ANAPC1: variants seen among roughly 807,000 people sequenced by gnomAD.
ANAPC1 encodes anaphase promoting complex subunit 1.
A neutral mutation model predicts 208.0 loss-of-function variants in ANAPC1; 36 were observed. The observed-to-expected ratio is 0.17, with a 90% CI of 0.13 to 0.23. The LOEUF is 0.23. ANAPC1 is among the 10% of genes least tolerant of loss of function. ANAPC1 has a pLI of 1.00. For synonymous variants in ANAPC1, 378 were observed against 695.2 expected, an observed-to-expected ratio of 0.54 and a Z score of 7.18; for missense variants, 942 against 2,011.6, an observed-to-expected ratio of 0.47 and a Z score of 10.17.
chr2:111,791,944 AAGGATGTAGTC>A (rs1201465154), intron 38 of ANAPC1, among the ~76,000 whole-genome samples: 2 of 150,454 alleles, frequency 1.3e-5, no homozygotes, highest in Non-Finnish European at 3.0e-5. Context: ...CAGTCTTATA[AAGGATGTAGTC>A]AGGAATGGCA....
chr2:111,822,029 GA>G (rs1558691471), intron 25 of ANAPC1, among the ~76,000 whole-genome samples: 1 of 152,146 alleles, frequency 6.6e-6, no homozygotes, highest in Non-Finnish European at 1.5e-5. Flanking sequence ...ATATGCAGTA[GA>G]AAATATTTAT....
At chr2:111,766,878 G>C, downstream of ANAPC1, 1 of 450,928 alleles carries the variant, frequency 2.2e-6, no homozygotes, top group Non-Finnish European at 4.6e-6. Context: ...GAGCTGTGGA[G>C]TCAGCTAGTT....
chr2:111,862,632 G>A, intron 9 of ANAPC1, 34 bp from the exon 10 acceptor site: 1 of 1,598,914 alleles, frequency 6.3e-7, no homozygotes, highest in Non-Finnish European at 8.5e-7. Context: ...GTACATCACA[G>A]TTAGCAAGGC....
At chr2:111,859,216 C>CTT (rs1386802356) in intron 10 of ANAPC1, among the ~76,000 whole-genome samples, 1 of 152,138 alleles carries the variant, frequency 6.6e-6, no homozygotes, top group African/African-American at 2.4e-5. Context: ...GGTGTGGTGG[C>CTT]TCACGCCTGT....
At position 111,882,221 on chromosome 2, in the gene ANAPC1, C is replaced by T. The variant is rs1325642217; in HGVS notation, c.-24-1372G>A. On this transcript the variant is annotated intron_variant, in intron 1 of 47. Transcript: ENST00000341068. The stretch of plus-strand genomic sequence containing the variant: ...AAAAGCAAAAAAAAAACCTCTAGAC[C>T]TTAACTCTTTGGGGAGGCTGACTTG... Among the ~76,000 whole-genome samples the T allele has an allele frequency of 4.0e-5, 6 of 151,814 alleles. No homozygotes were observed. The East Asian group carries it at 1.2e-3, about 30-fold the overall frequency.
At chr2:111,851,673 T>C (rs1452479126) in intron 13 of ANAPC1, among the ~76,000 whole-genome samples, 1 of 150,704 alleles carries the variant, frequency 6.6e-6, no homozygotes, top group Non-Finnish European at 1.5e-5. Flanking sequence ...TAGCCGGGCG[T>C]GGTGGCGGGC....
intron 16 of ANAPC1, among the ~76,000 whole-genome samples, chr2:111,845,518 G>A (rs73956894): frequency 0.022 from 3,302 of 152,256 alleles, 111 homozygotes; most frequent in African/African-American, 0.074. Context: ...CCCTCTGCAG[G>A]TAAAGTACAT....
chr2:111,853,559 T>G (rs1681527788), intron 13 of ANAPC1, among the ~76,000 whole-genome samples: 1 of 152,080 alleles, frequency 6.6e-6, no homozygotes, highest in African/African-American at 2.4e-5. Context: ...CCACCACATC[T>G]GCAGTGACTT....
chr2:111,857,821 T>C (rs992982167), intron 11 of ANAPC1, among the ~76,000 whole-genome samples: 1 of 152,186 alleles, frequency 6.6e-6, no homozygotes, highest in Non-Finnish European at 1.5e-5. Flanking sequence ...GATGAACAGA[T>C]AAGCAAAACA....
intron 1 of ANAPC1, among the ~76,000 whole-genome samples, chr2:111,883,680 A>C (rs7575582): frequency 2.0e-5 from 3 of 152,192 alleles, no homozygotes; most frequent in African/African-American, 7.2e-5. Context: ...GGCCAGTCTG[A>C]AAGCTGAGGC....
At chr2:111,766,414 GGC>G (rs1676474466), downstream of ANAPC1, 1 of 152,318 alleles carries the variant, frequency 6.6e-6, no homozygotes, top group Non-Finnish European at 1.5e-5. Context: ...GGTGCTCGTG[GGC>G]GCTGAGAGGC....
intron 46 of ANAPC1, among the ~76,000 whole-genome samples, chr2:111,773,298 A>AT (rs1676843441): frequency 6.6e-6 from 1 of 152,220 alleles, no homozygotes; most frequent in African/African-American, 2.4e-5. Context: ...TCTTCCTCTG[A>AT]GTATCATGCT....
intron 34 of ANAPC1, among the ~76,000 whole-genome samples, chr2:111,797,672 T>G (rs1348499340): frequency 1.3e-5 from 2 of 151,864 alleles, no homozygotes; most frequent in African/African-American, 4.8e-5. Flanking sequence ...AAATCCAAAC[T>G]ATCTATGGCA....
Position 111,850,860 on chromosome 2 carries a change from G to A in ANAPC1, c.1566C>T (p.Ser522=), listed in dbSNP as rs1263853422. The part of the protein sequence containing the change: ...PGLPAPSLTM[S]NTMPRPSTPL... ...GAGTACTGGGCCGAGGCATTGTGTT[G>A]GACATCGTCAGAGAGGGAGCTGGCA... The change falls in exon 14 of 48, where the codon TCC becomes TCT. Residue 522 remains serine, a synonymous_variant. Transcript: ENST00000341068. 1.2e-6 allele frequency: 2 copies of A among 1,611,162 alleles called. No individual in the cohort carries two copies. Among genetic ancestry groups the A allele is most frequent in the Non-Finnish European group, 1.7e-6 (2 of 1,179,714 alleles).
At chr2:111,824,525 G>T (rs1679724671) in intron 24 of ANAPC1, among the ~76,000 whole-genome samples, 1 of 151,948 alleles carries the variant, frequency 6.6e-6, no homozygotes, top group African/African-American at 2.4e-5. Flanking sequence ...CCAGTTCAAT[G>T]TTCATCTTGG....
intron 11 of ANAPC1, among the ~76,000 whole-genome samples, chr2:111,857,978 A>ATATC (rs1460815950): frequency 1.3e-5 from 2 of 151,842 alleles, no homozygotes; most frequent in African/African-American, 4.8e-5. Flanking sequence ...TTATATATAT[A>ATATC]TAAATGTCCA....
intron 29 of ANAPC1, among the ~76,000 whole-genome samples, chr2:111,806,911 A>G (rs1678709239): frequency 8.3e-6 from 1 of 120,572 alleles, no homozygotes; most frequent in African/African-American, 3.2e-5. Context: ...AAAAAAGAAA[A>G]AAGGCTGGAC....
intron 6 of ANAPC1, among the ~76,000 whole-genome samples, chr2:111,870,556 C>A (rs140422663): frequency 0.076 from 11,625 of 152,078 alleles, 629 homozygotes; most frequent in Non-Finnish European, 0.12. Context: ...ACTTTTTGAG[C>A]TTCTGTCTTG....
chr2:111,792,788 TA>T (rs1476811251), intron 37 of ANAPC1, among the ~76,000 whole-genome samples: 71 of 151,624 alleles, frequency 4.7e-4, no homozygotes, highest in Middle Eastern at 3.4e-3. Context: ...CCGTCTCTAC[TA>T]AAAAATACAA....
Sources: gnomAD v4.1 joint callset for allele counts (sites outside exome capture counted in the v4.1 genomes callset) on GRCh38, gnomAD v4.1.1 for gene constraint, MANE v1.5 for transcripts, NCBI Gene and HGNC (gene_info 2026-07-23, HGNC 2026-07-21) for gene names.